ATRNL1: variants seen among roughly 807,000 people sequenced by gnomAD.
The protein encoded by ATRNL1 is attractin like 1.
In ATRNL1, 95 loss-of-function variants were observed where a neutral mutation model predicts 182.7. The observed-to-expected ratio is 0.52, with a 90% CI of 0.44 to 0.62. The LOEUF (loss-of-function observed/expected upper bound fraction) is 0.62, where lower values mean the gene tolerates loss of function less well. ATRNL1 is among the 20% of genes least tolerant of loss of function. The pLI is 0.00. For missense variants in ATRNL1, 1,471 were observed against 1,679.5 expected (o/e 0.88, Z 2.17); for synonymous variants, 576 against 568.3 (o/e 1.01, Z -0.19).
chr10:115,721,162 A>C (rs1388860014), intron 26 of ATRNL1, among the ~76,000 whole-genome samples: 1 of 152,198 alleles, frequency 6.6e-6, no homozygotes, highest in African/African-American at 2.4e-5. Context: ...TGCCAGGTCT[A>C]AAAATCTGTG....
intron 3 of ATRNL1, among the ~76,000 whole-genome samples, chr10:115,123,731 C>A (rs754896607): frequency 6.6e-6 from 1 of 152,118 alleles, no homozygotes; most frequent in Admixed American, 6.5e-5. Context: ...AAGTGAGTGG[C>A]GGGCAAGTGA....
intron 25 of ATRNL1, among the ~76,000 whole-genome samples, chr10:115,539,530 A>G (rs1249474382): frequency 2.0e-5 from 3 of 152,200 alleles, no homozygotes; most frequent in African/African-American, 4.8e-5. Flanking sequence ...CCTGAAGTCA[A>G]TGCAATTTGA....
At chr10:115,390,654 A>G in intron 19 of ATRNL1, among the ~76,000 whole-genome samples, 1 of 152,144 alleles carries the variant, frequency 6.6e-6, no homozygotes. Context: ...TAATTTCCAT[A>G]TGAATTTTAA....
At chr10:115,272,001 G>A (rs1020026348) in intron 13 of ATRNL1, among the ~76,000 whole-genome samples, 2 of 152,100 alleles carry the variant, frequency 1.3e-5, no homozygotes, top group South Asian at 2.1e-4. Flanking sequence ...AGGTCTGGTC[G>A]TTTAAAAGTA....
chr10:115,301,961 G>T lies in ATRNL1; in HGVS notation c.2736G>T (p.Thr912=). ...TGGAGTGTATGTGGTGCAGCAGTACGAAACGATGTGTTGACTCTAATGCCT... is the reference window on the plus strand; with the variant it reads ...TGGAGTGTATGTGGTGCAGCAGTACTAAACGATGTGTTGACTCTAATGCCT... The part of the protein sequence containing the change: ...NGMECMWCSS[T]KRCVDSNAYI... Residue 912 remains threonine, a synonymous_variant, in exon 17 of 29, where the codon ACG becomes ACT. Transcript: ENST00000355044. The T allele has an allele frequency of 6.2e-7, 1 of 1,614,084 alleles. No homozygotes were observed. The highest frequency in any genetic ancestry group is 1.1e-5 in the South Asian group (1 of 91,080).
At chr10:115,401,859 T>C (rs1022064376) in intron 20 of ATRNL1, among the ~76,000 whole-genome samples, 1 of 152,178 alleles carries the variant, frequency 6.6e-6, no homozygotes, top group Non-Finnish European at 1.5e-5. Context: ...CCGCATACAT[T>C]TTATATTATA....
intron 26 of ATRNL1, among the ~76,000 whole-genome samples, chr10:115,683,820 G>T (rs1406335854): frequency 6.6e-6 from 1 of 151,608 alleles, no homozygotes; most frequent in Middle Eastern, 3.2e-3. Context: ...ATTCCTCAAA[G>T]AATTGATATA....
chr10:115,678,344 T>G (rs1028515739), intron 26 of ATRNL1, among the ~76,000 whole-genome samples: 24 of 152,090 alleles, frequency 1.6e-4, no homozygotes, highest in African/African-American at 5.6e-4. Context: ...TAAATACCAA[T>G]CTCTATAGGT....
intron 19 of ATRNL1, among the ~76,000 whole-genome samples, chr10:115,381,668 T>A (rs1487577455): frequency 6.6e-6 from 1 of 151,792 alleles, no homozygotes. Flanking sequence ...ATTGTCCTCT[T>A]ATTTTTTTGA....
At chr10:115,558,043 C>CAAAAACAA (rs1221804832) in intron 26 of ATRNL1, among the ~76,000 whole-genome samples, 2 of 118,704 alleles carry the variant, frequency 1.7e-5, no homozygotes, top group African/African-American at 3.4e-5. Context: ...GACTCCATCT[C>CAAAAACAA]AAAAACAAAA....
intron 27 of ATRNL1, among the ~76,000 whole-genome samples, chr10:115,837,466 CCACACACACACA>C (rs71010052): frequency 0.1 from 13,944 of 134,606 alleles, 841 homozygotes; most frequent in East Asian, 0.14. Flanking sequence ...GCTTCCCAAG[CCACACACACACA>C]CACACACACA....
chr10:115,518,396 G>T (rs1554984381), intron 24 of ATRNL1, among the ~76,000 whole-genome samples: 1 of 151,826 alleles, frequency 6.6e-6, no homozygotes, highest in East Asian at 1.9e-4. Flanking sequence ...ATACCTGAAT[G>T]GTTTAGCTTC....
intron 27 of ATRNL1, among the ~76,000 whole-genome samples, chr10:115,790,940 A>C (rs1387636809): frequency 1.3e-5 from 2 of 152,220 alleles, no homozygotes; most frequent in African/African-American, 4.8e-5. Flanking sequence ...AAACCAGTGC[A>C]GTTCCTATAT....
intron 20 of ATRNL1, among the ~76,000 whole-genome samples, chr10:115,405,884 T>C (rs1844803853): frequency 8.0e-6 from 1 of 124,996 alleles, no homozygotes; most frequent in Non-Finnish European, 1.6e-5. Context: ...GATGTCCCCC[T>C]TCCTGTGTCC....
chr10:115,098,958 TA>T (rs1564733420), intron 1 of ATRNL1, among the ~76,000 whole-genome samples: 1 of 152,246 alleles, frequency 6.6e-6, no homozygotes, highest in Non-Finnish European at 1.5e-5. Context: ...ATGTACAATT[TA>T]TTTAAATTAT....
chr10:115,703,273 A>G (rs1475728652), intron 26 of ATRNL1, among the ~76,000 whole-genome samples: 2 of 152,102 alleles, frequency 1.3e-5, no homozygotes, highest in African/African-American at 2.4e-5. Flanking sequence ...GATGAATTAA[A>G]GATTTAAATG....
intron 26 of ATRNL1, among the ~76,000 whole-genome samples, chr10:115,586,982 C>T (rs1366842043): frequency 2.1e-5 from 3 of 140,278 alleles, no homozygotes; most frequent in Non-Finnish European, 3.1e-5. Flanking sequence ...AGACAGGACC[C>T]TCAGCTGCAG....
intron 5 of ATRNL1, among the ~76,000 whole-genome samples, chr10:115,153,800 A>G (rs1554881331): frequency 1.3e-5 from 2 of 151,856 alleles, no homozygotes; most frequent in African/African-American, 2.4e-5. Flanking sequence ...AGTTCTTTTA[A>G]TTGTGATGTT....
chr10:115,719,825 A>G (rs545483122), intron 26 of ATRNL1, among the ~76,000 whole-genome samples: 74 of 151,286 alleles, frequency 4.9e-4, no homozygotes, highest in Non-Finnish European at 9.0e-4. Flanking sequence ...GAAAAATTCA[A>G]ATTTTGGTAA....
Sources: allele counts gnomAD v4.1 joint callset (sites outside exome capture counted in the v4.1 genomes callset), GRCh38; gene constraint gnomAD v4.1.1; transcripts MANE v1.5; gene names NCBI Gene and HGNC (gene_info 2026-07-23, HGNC 2026-07-21).